WDFY3: variants seen among roughly 807,000 people sequenced by gnomAD.
The protein encoded by WDFY3 is WD repeat and FYVE domain-containing protein 3.
In WDFY3, 66 loss-of-function variants were observed where a neutral mutation model predicts 409.6. The ratio of observed to expected loss-of-function variants is 0.16; its 90% CI spans 0.13 to 0.20. WDFY3 has a LOEUF of 0.20. Ranked by LOEUF, WDFY3 falls within the 10% of genes least tolerant of loss-of-function variation. The probability of loss-of-function intolerance (pLI) is 1.00; values close to 1 mark genes in which losing one functional copy is unlikely to be tolerated. For missense variants in WDFY3, 3,031 were observed against 4,298.1 expected (o/e 0.71, Z 8.24); for synonymous variants, 1,521 against 1,537.1 (o/e 0.99, Z 0.25).
At chr4:84,874,485 G>A (rs1311548128) in intron 3 of WDFY3, among the ~76,000 whole-genome samples, 2 of 151,910 alleles carry the variant, frequency 1.3e-5, no homozygotes, top group African/African-American at 4.8e-5. Flanking sequence ...ATTCCCTATT[G>A]TCTAAGAATA....
At chr4:84,917,958 A>T (rs1489647685) in intron 2 of WDFY3, among the ~76,000 whole-genome samples, 1 of 152,096 alleles carries the variant, frequency 6.6e-6, no homozygotes. Flanking sequence ...AGGATGTTAA[A>T]CCTCACTCAT....
chr4:84,677,246 T>G lies in WDFY3; in HGVS notation c.10410A>C (p.Thr3470=). The change falls in exon 67 of 68, where the codon ACA becomes ACC. Residue 3470 remains threonine (T), a synonymous_variant. Transcript: ENST00000295888. Reference sequence around the variant, plus strand: ...AGTTCCTGCAATGGTGTCGTCTTTCTGTGAGTGAAAACCTCACCGAGCAGC... The same window carrying G: ...AGTTCCTGCAATGGTGTCGTCTTTCGGTGAGTGAAAACCTCACCGAGCAGC... ...CSGCSVRFSL[T]ERRHHCRNCG... The G allele has an allele frequency of 6.2e-7, 1 of 1,614,254 alleles. No individual in the cohort carries two copies. Among genetic ancestry groups the G allele is most frequent in the East Asian group, 2.2e-5 (1 of 44,888 alleles).
At chr4:84,713,386 A>C (rs1028105789) in intron 50 of WDFY3, 147 bp from the exon 51 acceptor site, 32 of 646,078 alleles carry the variant, frequency 5.0e-5, no homozygotes, top group Admixed American at 3.3e-4. Context: ...GGAATATATA[A>C]ATTTTGGACT....
At chr4:84,735,222 C>A in intron 42 of WDFY3, 102 bp from the exon 43 acceptor site, 1 of 1,042,916 alleles carries the variant, frequency 9.6e-7, no homozygotes, top group Non-Finnish European at 1.4e-6. Flanking sequence ...TAAAATTCTG[C>A]CAAAAGCACC....
At chr4:84,761,719 T>A (rs917080845) in intron 32 of WDFY3, among the ~76,000 whole-genome samples, 1 of 151,980 alleles carries the variant, frequency 6.6e-6, no homozygotes, top group Non-Finnish European at 1.5e-5. Flanking sequence ...CTCATCTGAC[T>A]AAGGGCTAAT....
At chr4:84,715,425 T>G in intron 49 of WDFY3, 42 bp from the exon 50 acceptor site, 1 of 1,107,998 alleles carries the variant, frequency 9.0e-7, no homozygotes, top group Non-Finnish European at 1.4e-6. Flanking sequence ...AAAACAGAAG[T>G]TCACAAATAA....
chr4:84,691,887 C>T, intron 59 of WDFY3, 102 bp from the exon 60 acceptor site: 4 of 1,138,632 alleles, frequency 3.5e-6, no homozygotes, highest in Non-Finnish European at 4.8e-6. Flanking sequence ...ATCAAGCATC[C>T]TGATACCTAC....
chr4:84,908,760 C>T (rs1010749785), intron 2 of WDFY3, among the ~76,000 whole-genome samples: 10 of 151,982 alleles, frequency 6.6e-5, no homozygotes, highest in African/African-American at 2.4e-4. Flanking sequence ...TCAGATATGC[C>T]AGAATACAAC....
At chr4:84,694,224 AGCACTTTCATGAAT>A (rs1413450438) in intron 58 of WDFY3, among the ~76,000 whole-genome samples, 1 of 152,236 alleles carries the variant, frequency 6.6e-6, no homozygotes, top group East Asian at 1.9e-4. Flanking sequence ...ATAGTTTTAA[AGCACTTTCATGAAT>A]GTGCATTTAC....
chr4:84,712,692 G>C (rs1039822854), intron 51 of WDFY3, among the ~76,000 whole-genome samples: 12 of 152,114 alleles, frequency 7.9e-5, no homozygotes, highest in Non-Finnish European at 1.8e-4. Flanking sequence ...TCCAGCCTGG[G>C]TGACAGAGCG....
At chr4:84,755,220 A>G in intron 34 of WDFY3, 46 bp downstream of exon 34, 2 of 1,594,114 alleles carry the variant, frequency 1.3e-6, no homozygotes, top group Non-Finnish European at 1.7e-6. Context: ...AAAGTATCCT[A>G]GGCAGGAGGA....
chr4:84,752,897 G>A (rs939264697), intron 35 of WDFY3, among the ~76,000 whole-genome samples: 2 of 152,068 alleles, frequency 1.3e-5, no homozygotes, highest in East Asian at 1.9e-4. Flanking sequence ...CAACATCAAC[G>A]TGCAAAAGTA....
chr4:84,803,076 T>G (rs923656029), intron 16 of WDFY3, among the ~76,000 whole-genome samples: 3 of 152,240 alleles, frequency 2.0e-5, no homozygotes, highest in African/African-American at 7.2e-5. Context: ...ACCTTGGTTG[T>G]CTTTGTAATG....
At chr4:84,793,157 C>A (rs1053446108) in intron 21 of WDFY3, among the ~76,000 whole-genome samples, 12 of 152,146 alleles carry the variant, frequency 7.9e-5, no homozygotes, top group Non-Finnish European at 1.8e-4. Flanking sequence ...TTTATCAACA[C>A]AGGAAAACAG....
At chr4:84,798,471 T>C (rs2149612183) in intron 17 of WDFY3, among the ~76,000 whole-genome samples, 1 of 152,310 alleles carries the variant, frequency 6.6e-6, no homozygotes, top group Non-Finnish European at 1.5e-5. Context: ...CATATAGCTA[T>C]ATATCTGCTA....
At chr4:84,909,029 T>TACAC (rs145818813) in intron 2 of WDFY3, among the ~76,000 whole-genome samples, 11 of 149,922 alleles carry the variant, frequency 7.3e-5, no homozygotes, top group East Asian at 2.0e-4. Context: ...CACGTATCCA[T>TACAC]ACACACACAC....
chr4:84,863,304 T>A lies in WDFY3; in HGVS notation c.-31-2682A>T, dbSNP rs896920340. On this transcript the variant is annotated intron_variant, in intron 3 of 67. Coordinates refer to ENST00000295888, the MANE Select transcript of WDFY3 (RefSeq NM_014991.6). The stretch of plus-strand genomic sequence containing the variant: ...AATTTCTTGAAGAATCTCTAAACTG[T>A]TTTCTAAGGTGGCTATACCAATTGA... Among the ~76,000 whole-genome samples, 20 of 152,160 alleles carry A rather than the reference T, an allele frequency of 1.3e-4. 1 individual carries two copies. The highest frequency in any genetic ancestry group is 1.5e-5 in the Non-Finnish European group (1 of 68,022).
intron 38 of WDFY3, among the ~76,000 whole-genome samples, chr4:84,740,904 G>T (rs1738293663): frequency 6.6e-6 from 1 of 152,076 alleles, no homozygotes; most frequent in African/African-American, 2.4e-5. Context: ...ACATGACAGA[G>T]CCTATGTATC....
chr4:84,841,704 A>C (rs1043760569), intron 5 of WDFY3, among the ~76,000 whole-genome samples: 1 of 152,214 alleles, frequency 6.6e-6, no homozygotes, highest in African/African-American at 2.4e-5. Context: ...ATAGAAGAGC[A>C]CTGTTTAGAA....
Sources: gnomAD v4.1 joint callset for allele counts (sites outside exome capture counted in the v4.1 genomes callset) on GRCh38, gnomAD v4.1.1 for gene constraint, MANE v1.5 for transcripts, NCBI Gene and HGNC (gene_info 2026-07-23, HGNC 2026-07-21) for gene names.